The following CDKAL1 variants were observed in gnomAD, a reference collection of about 807,000 sequenced individuals.
The protein encoded by CDKAL1 is threonylcarbamoyladenosine tRNA methylthiotransferase.
In CDKAL1, 32 loss-of-function variants were observed where a neutral mutation model predicts 68.2. The ratio of observed to expected loss-of-function variants is 0.47; its 90% CI spans 0.35 to 0.63. CDKAL1 has a LOEUF of 0.63. Ranked by LOEUF, CDKAL1 falls within the 30% of genes least tolerant of loss-of-function variation. CDKAL1 has a pLI of 0.00. For missense variants in CDKAL1, 606 were observed against 696.7 expected (o/e 0.87, Z 1.47); for synonymous variants, 234 against 244.3 (o/e 0.96, Z 0.39).
intron 4 of CDKAL1, among the ~76,000 whole-genome samples, chr6:20,617,406 G>A (rs929210110): frequency 6.6e-6 from 1 of 152,002 alleles, no homozygotes; most frequent in African/African-American, 2.4e-5. Context: ...TGCTTCAAAT[G>A]TAGCTTAAAA....
intron 13 of CDKAL1, among the ~76,000 whole-genome samples, chr6:21,134,528 A>T (rs553474962): frequency 6.6e-6 from 1 of 152,226 alleles, no homozygotes; most frequent in Non-Finnish European, 1.5e-5. Flanking sequence ...GTTTTAATGA[A>T]TTATACTATT....
rs535333772 is a variant in CDKAL1 at position 21,076,897 on chromosome 6, A to G, written c.1236+11669A>G. Among the ~76,000 whole-genome samples, 5 of 152,120 alleles carry G rather than the reference A, an allele frequency of 3.3e-5. No homozygotes were observed. The South Asian group carries it at 1.0e-3, about 32-fold the overall frequency. On this transcript the variant is annotated intron_variant, in intron 12 of 15. Coordinates refer to ENST00000274695, the MANE Select transcript of CDKAL1 (RefSeq NM_017774.3). Reference sequence around the variant, plus strand: ...TCGATGGAGTTTTTAGCCTGCCCATAATTTTGTTGTATCTGGATTTCAGCA... The same window carrying G: ...TCGATGGAGTTTTTAGCCTGCCCATGATTTTGTTGTATCTGGATTTCAGCA...
intron 9 of CDKAL1, among the ~76,000 whole-genome samples, chr6:20,951,201 T>G (rs1413966271): frequency 6.6e-6 from 1 of 152,212 alleles, no homozygotes; most frequent in Non-Finnish European, 1.5e-5. Flanking sequence ...ACAACTTATC[T>G]TGAAAATTTT....
rs143320189 is a variant in CDKAL1 at position 21,081,355 on chromosome 6, C to G, written c.1236+16127C>G. On this transcript the variant is annotated intron_variant, in intron 12 of 15. Transcript: ENST00000274695. The stretch of plus-strand genomic sequence containing the variant: ...TCATCTTTATTATATTTCAGTCTAA[C>G]TTTTTCTCCAGTGGTGATTACATAC... Among the ~76,000 whole-genome samples, 384 of 152,126 alleles carry G rather than the reference C, an allele frequency of 2.5e-3. 1 individual carries two copies. Among genetic ancestry groups the G allele is most frequent in the African/African-American group, 8.7e-3 (362 of 41,520 alleles).
chr6:20,989,827 T>C (rs1244245720), intron 10 of CDKAL1, among the ~76,000 whole-genome samples: 1 of 152,208 alleles, frequency 6.6e-6, no homozygotes, highest in Non-Finnish European at 1.5e-5. Context: ...GTTTTTCATA[T>C]GTGTTCCATT....
At chr6:20,632,230 CA>C (rs1767704002) in intron 4 of CDKAL1, among the ~76,000 whole-genome samples, 1 of 152,158 alleles carries the variant, frequency 6.6e-6, no homozygotes, top group Non-Finnish European at 1.5e-5. Flanking sequence ...AATCATCTGG[CA>C]AAACAGTCCA....
intron 9 of CDKAL1, among the ~76,000 whole-genome samples, chr6:20,886,510 G>A (rs999175331): frequency 2.6e-5 from 4 of 152,010 alleles, no homozygotes; most frequent in African/African-American, 7.2e-5. Flanking sequence ...ACACATGAAT[G>A]GATAAACAAA....
At chr6:20,853,202 T>G (rs1203501967) in intron 9 of CDKAL1, among the ~76,000 whole-genome samples, 2 of 151,754 alleles carry the variant, frequency 1.3e-5, no homozygotes, top group East Asian at 1.9e-4. Context: ...CCACACAGGA[T>G]GAAACCCCTT....
chr6:20,865,699 T>A (rs1246394768), intron 9 of CDKAL1, among the ~76,000 whole-genome samples: 2 of 152,144 alleles, frequency 1.3e-5, no homozygotes, highest in African/African-American at 4.8e-5. Flanking sequence ...AAAATCTGCA[T>A]TTCATGTTTT....
intron 13 of CDKAL1, among the ~76,000 whole-genome samples, chr6:21,146,368 A>G (rs954500000): frequency 6.6e-5 from 10 of 152,204 alleles, no homozygotes; most frequent in African/African-American, 1.9e-4. Context: ...CCCAGAGCCC[A>G]GGAGGAAAGG....
intron 11 of CDKAL1, among the ~76,000 whole-genome samples, chr6:21,048,997 A>T (rs2150907893): frequency 6.6e-6 from 1 of 151,162 alleles, no homozygotes; most frequent in East Asian, 2.0e-4. Context: ...GAATAAAATG[A>T]TTTCACCCAC....
chr6:20,960,378 C>T (rs114621872), intron 10 of CDKAL1, among the ~76,000 whole-genome samples: 156 of 152,330 alleles, frequency 1.0e-3, no homozygotes, highest in African/African-American at 3.5e-3. Context: ...GGTTTCTAAT[C>T]TATTCTAATT....
At chr6:20,684,437 G>T (rs926013719) in intron 5 of CDKAL1, among the ~76,000 whole-genome samples, 8 of 152,228 alleles carry the variant, frequency 5.3e-5, no homozygotes, top group Admixed American at 3.9e-4. Context: ...GTGAGTCTCT[G>T]TCTCAAACAA....
chr6:20,786,990 A>G (rs1775704554), intron 8 of CDKAL1, among the ~76,000 whole-genome samples: 1 of 152,194 alleles, frequency 6.6e-6, no homozygotes, highest in Non-Finnish European at 1.5e-5. Flanking sequence ...CAAGAGTTAG[A>G]TGCTGCTTAA....
intron 5 of CDKAL1, among the ~76,000 whole-genome samples, chr6:20,717,606 G>A (rs1772158300): frequency 1.3e-5 from 2 of 151,924 alleles, no homozygotes; most frequent in Non-Finnish European, 2.9e-5. Context: ...CCCTTAATGG[G>A]GAAGGCCTTA....
chr6:20,552,695 C>T (rs530081532), intron 4 of CDKAL1, among the ~76,000 whole-genome samples: 2 of 148,654 alleles, frequency 1.3e-5, no homozygotes, highest in African/African-American at 5.0e-5. Context: ...ATTTTATAAA[C>T]TATTGATTGT....
intron 4 of CDKAL1, among the ~76,000 whole-genome samples, chr6:20,648,882 T>A (rs1368681917): frequency 6.6e-6 from 1 of 152,074 alleles, no homozygotes. Context: ...ACAAGTTAGG[T>A]TTTTAAGAAT....
rs116000840 is a variant in CDKAL1, at chr6:21,067,384, G to A, written c.1236+2156G>A. On this transcript the variant is annotated intron_variant, in intron 12 of 15. Coordinates refer to ENST00000274695, the MANE Select transcript of CDKAL1 (RefSeq NM_017774.3). The stretch of plus-strand genomic sequence containing the variant: ...GAACTAATCTGTTTTTAAAGTAGCT[G>A]TAGTTCATCCATTGTTATTGCCAGG... 6.3e-3 allele frequency among the ~76,000 whole-genome samples: 956 copies of A among 152,308 alleles called. 11 individuals carry two copies. Among genetic ancestry groups the A allele is most frequent in the African/African-American group, 0.022 (913 of 41,556 alleles).
Position 20,938,721 on chromosome 6 carries a change from T to C in CDKAL1, c.743-16698T>C, listed in dbSNP as rs148118670. On this transcript the variant is annotated intron_variant, in intron 9 of 15. Coordinates refer to ENST00000274695, the MANE Select transcript of CDKAL1 (RefSeq NM_017774.3). ...ATATAAAAGATGATAAATTAGTGCGTAAGTAGGAAACATTAACAGAAGCTC... is the reference window on the plus strand; with the variant it reads ...ATATAAAAGATGATAAATTAGTGCGCAAGTAGGAAACATTAACAGAAGCTC... Among the ~76,000 whole-genome samples, 44 of 152,318 alleles carry C rather than the reference T, an allele frequency of 2.9e-4. No individual in the cohort carries two copies. The East Asian group carries it at 5.8e-3, about 20-fold the overall frequency.
Sources: allele counts gnomAD v4.1 joint callset (sites outside exome capture counted in the v4.1 genomes callset), GRCh38; gene constraint gnomAD v4.1.1; transcripts MANE v1.5; gene names NCBI Gene and HGNC (gene_info 2026-07-23, HGNC 2026-07-21).